The following NMNAT2 variants were observed in gnomAD, a reference collection of about 807,000 sequenced individuals.
The protein encoded by NMNAT2 is nicotinamide/nicotinic acid mononucleotide adenylyltransferase 2.
A neutral mutation model predicts 41.6 loss-of-function variants in NMNAT2; 11 were observed. That is an observed-to-expected ratio of 0.26 (90% CI 0.17 to 0.44). The LOEUF is 0.44. Ranked by LOEUF, NMNAT2 falls within the 20% of genes least tolerant of loss-of-function variation. The pLI is 1.00. For missense variants in NMNAT2, 288 were observed against 407.7 expected (o/e 0.71, Z 2.53); for synonymous variants, 148 against 151.2 (o/e 0.98, Z 0.16).
At chr1:183,355,932 G>T (rs546546792) in intron 1 of NMNAT2, among the ~76,000 whole-genome samples, 3 of 152,276 alleles carry the variant, frequency 2.0e-5, no homozygotes, top group East Asian at 1.9e-4. Flanking sequence ...CACCACTGAG[G>T]ATACAGTGAA....
chr1:183,361,400 T>A (rs1663304954), intron 1 of NMNAT2, among the ~76,000 whole-genome samples: 1 of 152,222 alleles, frequency 6.6e-6, no homozygotes, highest in Admixed American at 6.5e-5. Context: ...ACTCAATAGC[T>A]GTGTGACTTT....
intron 5 of NMNAT2, among the ~76,000 whole-genome samples, chr1:183,286,256 A>T (rs1030649623): frequency 6.6e-6 from 1 of 151,524 alleles, no homozygotes; most frequent in Non-Finnish European, 1.5e-5. Context: ...TATTGTTATT[A>T]TTATTATTAT....
chr1:183,301,752 A>G (rs1397180388), intron 1 of NMNAT2, among the ~76,000 whole-genome samples: 2 of 152,102 alleles, frequency 1.3e-5, no homozygotes, highest in Admixed American at 1.3e-4. Context: ...TGAGTGATTT[A>G]CCCATTAATA....
At chr1:183,400,804 G>T (rs948509174) in intron 1 of NMNAT2, among the ~76,000 whole-genome samples, 3 of 152,134 alleles carry the variant, frequency 2.0e-5, no homozygotes, top group African/African-American at 7.2e-5. Context: ...ACAAAAACAA[G>T]AAATGGGGAA....
At chr1:183,335,690 G>A (rs941293594) in intron 1 of NMNAT2, among the ~76,000 whole-genome samples, 6 of 152,098 alleles carry the variant, frequency 3.9e-5, no homozygotes, top group African/African-American at 7.2e-5. Context: ...GCCACATTGC[G>A]CATACTCCTT....
intron 1 of NMNAT2, among the ~76,000 whole-genome samples, chr1:183,362,096 G>A (rs1377412114): frequency 6.6e-6 from 1 of 151,884 alleles, no homozygotes; most frequent in African/African-American, 2.4e-5. Context: ...CTGCCACCAC[G>A]CCTGGCTAAT....
At chr1:183,296,214 T>C (rs2102312180) in intron 1 of NMNAT2, among the ~76,000 whole-genome samples, 1 of 152,308 alleles carries the variant, frequency 6.6e-6, no homozygotes, top group East Asian at 1.9e-4. Context: ...AGTTTATCCA[T>C]TCATCTACCA....
At chr1:183,298,618 C>CA (rs1484812419) in intron 1 of NMNAT2, among the ~76,000 whole-genome samples, 1 of 152,196 alleles carries the variant, frequency 6.6e-6, no homozygotes, top group Non-Finnish European at 1.5e-5. Context: ...CCTTTATTCC[C>CA]ATATGCACTG....
chr1:183,277,610 C>A (rs932011343), intron 8 of NMNAT2, among the ~76,000 whole-genome samples: 1 of 151,806 alleles, frequency 6.6e-6, no homozygotes, highest in African/African-American at 2.4e-5. Context: ...CTGCCCCTGT[C>A]CTGCCTCTGT....
At chr1:183,378,969 G>A (rs1297989420) in intron 1 of NMNAT2, among the ~76,000 whole-genome samples, 2 of 152,008 alleles carry the variant, frequency 1.3e-5, no homozygotes, top group Non-Finnish European at 2.9e-5. Context: ...CTTGAACCTG[G>A]GAGGAGGTTG....
At chr1:183,358,845 C>T (rs1005800638) in intron 1 of NMNAT2, among the ~76,000 whole-genome samples, 2 of 152,158 alleles carry the variant, frequency 1.3e-5, no homozygotes, top group Non-Finnish European at 2.9e-5. Context: ...ACAGGACGGA[C>T]GATAAGGTTG....
At chr1:183,261,582 C>T (rs780422964) in intron 8 of NMNAT2, among the ~76,000 whole-genome samples, 6 of 152,208 alleles carry the variant, frequency 3.9e-5, no homozygotes, top group Non-Finnish European at 5.9e-5. Flanking sequence ...TGGGCAAGAT[C>T]TCTCCAATTC....
intron 1 of NMNAT2, among the ~76,000 whole-genome samples, chr1:183,323,774 A>G (rs1662403763): frequency 6.8e-6 from 1 of 148,106 alleles, no homozygotes; most frequent in African/African-American, 2.7e-5. Flanking sequence ...TAGGGAACAC[A>G]TCTGACAAAG....
intron 1 of NMNAT2, among the ~76,000 whole-genome samples, chr1:183,366,490 GA>G (rs1392702016): frequency 6.6e-6 from 1 of 152,172 alleles, no homozygotes; most frequent in Non-Finnish European, 1.5e-5. Context: ...ATTCCAAGAT[GA>G]TTAAGTCTCA....
intron 5 of NMNAT2, among the ~76,000 whole-genome samples, chr1:183,285,396 C>T (rs1295393991): frequency 5.9e-5 from 9 of 152,188 alleles, no homozygotes; most frequent in East Asian, 5.8e-4. Context: ...TGGGCTAAGG[C>T]GCTCCTTCCC....
intron 1 of NMNAT2, among the ~76,000 whole-genome samples, chr1:183,388,604 ACTAGTC>A (rs1648330856): frequency 6.6e-6 from 1 of 152,244 alleles, no homozygotes; most frequent in South Asian, 2.1e-4. Context: ...GTTTGCAACC[ACTAGTC>A]CTCAGTTCAA....
At chr1:183,304,801 CA>C in intron 1 of NMNAT2, 1 of 1,610,412 alleles carries the variant, frequency 6.2e-7, no homozygotes. Flanking sequence ...GAGAGTAACA[CA>C]AAGTGGTGCA....
Position 183,251,445 on chromosome 1 carries a change from C to A in NMNAT2, c.*1196G>T, listed in dbSNP as rs902372876. On this transcript the variant is annotated 3_prime_UTR_variant, in exon 11 of 11. Transcript: ENST00000287713. ...AAGAGACATTTCCCAGCCCAACAGA[C>A]AATACATAATTCCAATTAGCAAAGA... 6.6e-6 allele frequency: 1 copy of A among 152,248 alleles called. No individual in the cohort carries two copies. The highest frequency in any genetic ancestry group is 2.4e-5 in the African/African-American group (1 of 41,456). 9.4% of individuals were successfully genotyped at this position (152,248 alleles called of 1,614,324 possible). A position where few individuals can be genotyped will look rare whatever the true frequency, so the allele number is the denominator to read the frequency against.
chr1:183,406,078 A>G (rs1449278661), intron 1 of NMNAT2, among the ~76,000 whole-genome samples: 1 of 152,204 alleles, frequency 6.6e-6, no homozygotes, highest in African/African-American at 2.4e-5. Context: ...TGATTCATTT[A>G]GAAAAAGAGA....
Sources: gnomAD v4.1 joint callset for allele counts (sites outside exome capture counted in the v4.1 genomes callset) on GRCh38, gnomAD v4.1.1 for gene constraint, MANE v1.5 for transcripts, NCBI Gene and HGNC (gene_info 2026-07-23, HGNC 2026-07-21) for gene names.